Variants in PCDHA7 observed in about 807,000 individuals in gnomAD.
PCDHA7 encodes protocadherin alpha 7.
A neutral mutation model predicts 57.2 loss-of-function variants in PCDHA7; 37 were observed. The ratio of observed to expected loss-of-function variants is 0.65; its 90% CI spans 0.50 to 0.85. PCDHA7 has a LOEUF of 0.85. PCDHA7 is among the 40% of genes least tolerant of loss of function. The probability of loss-of-function intolerance (pLI) is 0.00; values close to 1 mark genes in which losing one functional copy is unlikely to be tolerated. For synonymous variants in PCDHA7, 553 were observed against 558.8 expected, an observed-to-expected ratio of 0.99 and a Z score of 0.15; for missense variants, 1,188 against 1,241.8, an observed-to-expected ratio of 0.96 and a Z score of 0.65.
At chr5:140,850,464 C>A (rs2041620287) in intron 1 of PCDHA7, 1 of 1,597,872 alleles carries the variant, frequency 6.3e-7, no homozygotes, top group Non-Finnish European at 8.6e-7. Flanking sequence ...CCACGGGGAG[C>A]CAGCGCTGAC....
At chr5:140,918,412 A>G (rs1335591362) in intron 1 of PCDHA7, among the ~76,000 whole-genome samples, 5 of 152,252 alleles carry the variant, frequency 3.3e-5, no homozygotes, top group Middle Eastern at 3.4e-3. Context: ...TCTGGCCAGG[A>G]CTTCCAGTAG....
chr5:140,971,999 A>G (rs543282950), intron 1 of PCDHA7, among the ~76,000 whole-genome samples: 18 of 152,302 alleles, frequency 1.2e-4, no homozygotes, highest in African/African-American at 3.8e-4. Flanking sequence ...TCCAATGTTT[A>G]TATTCCCTTT....
chr5:140,876,662 T>G (rs782771484), intron 1 of PCDHA7: 23 of 1,614,114 alleles, frequency 1.4e-5, no homozygotes, highest in Non-Finnish European at 1.9e-5. Context: ...CCCTTCAAGC[T>G]GGTGTCCACC....
intron 3 of PCDHA7, among the ~76,000 whole-genome samples, chr5:140,998,253 T>C (rs1245576621): frequency 6.6e-6 from 1 of 152,232 alleles, no homozygotes; most frequent in Non-Finnish European, 1.5e-5. Context: ...CTCATTTTAC[T>C]GCTAAGAAAA....
At chr5:140,966,712 T>C (rs2153748592) in intron 1 of PCDHA7, 2 of 1,392,090 alleles carry the variant, frequency 1.4e-6, no homozygotes, top group Middle Eastern at 2.7e-4. Flanking sequence ...GGGGCACGGC[T>C]GGGGAAGCTG....
Position 140,936,624 on chromosome 5 carries a change from C to T in PCDHA7, c.2356-42325C>T, listed in dbSNP as rs186958884. On this transcript the variant is annotated intron_variant, in intron 1 of 3. Coordinates refer to ENST00000525929, the MANE Select transcript of PCDHA7 (RefSeq NM_018910.3). Reference sequence around the variant, plus strand: ...TCCTCGCTGCTACTGTGCAGTGCTACCTTTGTCATAAGCAACGTGACTTTA... The same window carrying T: ...TCCTCGCTGCTACTGTGCAGTGCTATCTTTGTCATAAGCAACGTGACTTTA... 2.3e-3 allele frequency among the ~76,000 whole-genome samples: 345 copies of T among 152,302 alleles called. 2 individuals are homozygous for T. Among genetic ancestry groups the T allele is most frequent in the South Asian group, 2.5e-3 (12 of 4,824 alleles).
At chr5:140,929,036 C>T in intron 1 of PCDHA7, 1 of 1,614,178 alleles carries the variant, frequency 6.2e-7, no homozygotes, top group Non-Finnish European at 8.5e-7. Flanking sequence ...GGCTGTTGCG[C>T]TCAGAGCTGC....
intron 3 of PCDHA7, among the ~76,000 whole-genome samples, chr5:141,007,668 G>C (rs556655396): frequency 6.6e-6 from 1 of 152,262 alleles, no homozygotes; most frequent in East Asian, 1.9e-4. Context: ...AATTTACAAA[G>C]ACAAAAGTTA....
chr5:140,990,172 TGA>T (rs1341832599), intron 3 of PCDHA7, among the ~76,000 whole-genome samples: 1 of 152,022 alleles, frequency 6.6e-6, no homozygotes, highest in Non-Finnish European at 1.5e-5. Context: ...TATGAAAAGG[TGA>T]CTTTTAAGAA....
chr5:140,993,462 TCACACA>T (rs3836747), intron 3 of PCDHA7, among the ~76,000 whole-genome samples: 28,176 of 140,902 alleles, frequency 0.2, 2,920 homozygotes, highest in East Asian at 0.31. Flanking sequence ...TCTTTCTTTC[TCACACA>T]CACACACACA....
intron 1 of PCDHA7, among the ~76,000 whole-genome samples, chr5:140,923,207 A>G (rs2081229144): frequency 6.6e-6 from 1 of 152,144 alleles, no homozygotes. Flanking sequence ...TGGGAGGCTA[A>G]GGTGAAAGGA....
intron 1 of PCDHA7, chr5:140,862,334 C>T: frequency 3.0e-6 from 1 of 329,810 alleles, no homozygotes; most frequent in Non-Finnish European, 6.0e-6. Context: ...TGTAATTGAC[C>T]CTAACTTCAG....
intron 1 of PCDHA7, among the ~76,000 whole-genome samples, chr5:140,894,786 C>T (rs990092948): frequency 6.6e-6 from 1 of 151,576 alleles, no homozygotes; most frequent in Non-Finnish European, 1.5e-5. Flanking sequence ...AATTATTTGT[C>T]CTCTCCTTTA....
At chr5:140,883,628 G>A (rs903824034) in intron 1 of PCDHA7, 1 of 1,613,884 alleles carries the variant, frequency 6.2e-7, no homozygotes, top group Admixed American at 1.7e-5. Context: ...CAACGCGCCG[G>A]CGTTCGCGCA....
At chr5:140,860,913 A>G (rs1423371903) in intron 1 of PCDHA7, 5 of 152,086 alleles carry the variant, frequency 3.3e-5, no homozygotes, top group African/African-American at 9.7e-5. Flanking sequence ...AATTTTTTGT[A>G]TTTTTAGTAG....
intron 1 of PCDHA7, among the ~76,000 whole-genome samples, chr5:140,937,894 A>G (rs1554211868): frequency 6.6e-6 from 1 of 150,462 alleles, no homozygotes; most frequent in Non-Finnish European, 1.5e-5. Context: ...CCTGGGCGAC[A>G]GAGTGAGACT....
At chr5:140,851,120 T>C (rs1052387301) in intron 1 of PCDHA7, 3 of 1,307,570 alleles carry the variant, frequency 2.3e-6, no homozygotes, top group Non-Finnish European at 2.0e-6. Flanking sequence ...ATCAATTTTA[T>C]TTAAATTTGT....
intron 1 of PCDHA7, chr5:140,968,033 G>A (rs1554230222): frequency 6.2e-7 from 1 of 1,614,074 alleles, no homozygotes; most frequent in African/African-American, 1.3e-5. Context: ...TACACTGGTG[G>A]TGAGCGGCCC....
rs782516685 is a variant in PCDHA7, at chr5:140,883,846, G to T, written c.2355+47108G>T. ...ACGCGCTGCAGCCGTTGGACCACGAGGAGCTGGAGCTGTTGCAGTTCCAGG... is the reference window on the plus strand; with the variant it reads ...ACGCGCTGCAGCCGTTGGACCACGATGAGCTGGAGCTGTTGCAGTTCCAGG... On this transcript the variant is annotated intron_variant, in intron 1 of 3. Coordinates refer to ENST00000525929, the MANE Select transcript of PCDHA7 (RefSeq NM_018910.3). 7 of 1,612,790 alleles carry T rather than the reference G, an allele frequency of 4.3e-6. No individual in the cohort carries two copies. In the East Asian group the frequency reaches 1.3e-4, roughly 31 times the overall value.
Sources: gnomAD v4.1 joint callset for allele counts (sites outside exome capture counted in the v4.1 genomes callset) on GRCh38, gnomAD v4.1.1 for gene constraint, MANE v1.5 for transcripts, NCBI Gene and HGNC (gene_info 2026-07-23, HGNC 2026-07-21) for gene names.